Variants in POLR3B observed in about 807,000 individuals in gnomAD.
POLR3B encodes RNA polymerase III subunit B, also known as DNA-directed RNA polymerase III subunit RPC2.
In POLR3B, 96 loss-of-function variants were observed where a neutral mutation model predicts 147.4. The ratio of observed to expected loss-of-function variants is 0.65; its 90% confidence interval spans 0.55 to 0.77. POLR3B has a LOEUF of 0.77. POLR3B is among the 30% of genes least tolerant of loss of function. POLR3B has a pLI of 0.00. For missense variants in POLR3B, 1,036 were observed against 1,413.5 expected, an observed-to-expected ratio of 0.73 and a Z score of 4.28; for synonymous variants, 461 against 485.9, an observed-to-expected ratio of 0.95 and a Z score of 0.67.
At chr12:106,453,614 C>G (rs1437100464) in intron 19 of POLR3B, among the ~76,000 whole-genome samples, 1 of 152,060 alleles carries the variant, frequency 6.6e-6, no homozygotes, top group African/African-American at 2.4e-5. Context: ...GTAGAGCAAG[C>G]CTGAGTTTTC....
chr12:106,358,031 AG>A, intron 1 of POLR3B, 80 bp downstream of exon 1: 1 of 1,576,286 alleles, frequency 6.3e-7, no homozygotes, highest in Non-Finnish European at 8.6e-7. Flanking sequence ...CGGGCCGCCA[AG>A]GGGGCGGGCT....
intron 23 of POLR3B, among the ~76,000 whole-genome samples, chr12:106,487,118 G>T (rs1356797657): frequency 1.3e-5 from 2 of 152,204 alleles, no homozygotes; most frequent in African/African-American, 4.8e-5. Context: ...TTGGATATTG[G>T]CAAGTAAAAT....
Position 106,378,311 on chromosome 12 carries a change from C to T in POLR3B, c.541C>T (p.Gln181Ter), listed in dbSNP as rs776074515. The T allele has an allele frequency of 3.7e-6, 6 of 1,613,682 alleles. No individual in the cohort carries two copies. Among genetic ancestry groups the T allele is most frequent in the Non-Finnish European group, 2.5e-6 (3 of 1,179,734 alleles). ...AGGAGTAGAAAAAGTTATTCTTATC[C>T]AAGAGCAGCTGTCTAAGAACAGGAT... ...VKGVEKVILIQEQLSKNRIIV... is the reference protein window; with the variant it reads ...VKGVEKVILI The change falls in exon 8 of 28, where the codon CAA becomes TAA. Residue 181 changes from glutamine (Q) to a stop codon, truncating the protein, a stop_gained. Coordinates refer to ENST00000228347, the MANE Select transcript of POLR3B (RefSeq NM_018082.6). LOFTEE classifies it high-confidence loss of function.
chr12:106,386,068 G>C (rs1387416135), intron 9 of POLR3B, among the ~76,000 whole-genome samples: 1 of 152,158 alleles, frequency 6.6e-6, no homozygotes, highest in Non-Finnish European at 1.5e-5. Flanking sequence ...TAACGGGGCT[G>C]GGCGCGGTGG....
chr12:106,427,484 A>T, intron 13 of POLR3B, 126 bp downstream of exon 13: 2 of 858,354 alleles, frequency 2.3e-6, no homozygotes, highest in East Asian at 2.6e-5. Flanking sequence ...TTTACAAAGC[A>T]CAAATTTCTA....
At chr12:106,399,585 G>A (rs1164964851) in intron 10 of POLR3B, among the ~76,000 whole-genome samples, 6 of 152,136 alleles carry the variant, frequency 3.9e-5, no homozygotes, top group East Asian at 1.9e-4. Flanking sequence ...GAGAAAGATC[G>A]GGTTACCCAC....
chr12:106,452,974 A>G (rs1273081297), intron 19 of POLR3B, among the ~76,000 whole-genome samples: 3 of 151,090 alleles, frequency 2.0e-5, no homozygotes, highest in Non-Finnish European at 4.4e-5. Context: ...TTCAGTAGTA[A>G]TTGTCAAGTA....
At chr12:106,383,551 T>C (rs2036793830) in intron 9 of POLR3B, among the ~76,000 whole-genome samples, 1 of 152,082 alleles carries the variant, frequency 6.6e-6, no homozygotes, top group African/African-American at 2.4e-5. Flanking sequence ...ATAAGGAGGC[T>C]CAAGGAGAAG....
intron 17 of POLR3B, among the ~76,000 whole-genome samples, chr12:106,437,339 A>G (rs2037590967): frequency 6.6e-6 from 1 of 152,240 alleles, no homozygotes; most frequent in Non-Finnish European, 1.5e-5. Flanking sequence ...GATGTCAGTT[A>G]GTACACAAGT....
intron 12 of POLR3B, among the ~76,000 whole-genome samples, chr12:106,421,506 A>T (rs888711961): frequency 1.3e-5 from 2 of 152,090 alleles, no homozygotes; most frequent in African/African-American, 4.8e-5. Flanking sequence ...TGCATTTTCT[A>T]TATTACTAAT....
chr12:106,463,448 T>G (rs887860326), intron 22 of POLR3B, 30 bp from the exon 23 acceptor site: 13 of 1,608,334 alleles, frequency 8.1e-6, no homozygotes, highest in Non-Finnish European at 1.1e-5. Flanking sequence ...GTTTGAAAAC[T>G]CTGTTTTAGT....
At position 106,451,291 on chromosome 12, in the gene POLR3B, C is replaced by T. The variant is rs528355883; in HGVS notation, c.2084-3211C>T. On this transcript the variant is annotated intron_variant, in intron 19 of 27. Coordinates refer to ENST00000228347, the MANE Select transcript of POLR3B (RefSeq NM_018082.6). ...ATATCAGAACTCATTAATTTGTACA[C>T]TTTAAATGGATGAAGTTTATTGTAT... is the stretch of plus-strand genomic sequence containing the variant. Among the ~76,000 whole-genome samples, 7 of 151,920 alleles carry T rather than the reference C, an allele frequency of 4.6e-5. No homozygotes were observed. The South Asian group carries it at 1.5e-3, about 32-fold the overall frequency.
chr12:106,409,377 G>T (rs2037193865), intron 11 of POLR3B, among the ~76,000 whole-genome samples: 1 of 61,094 alleles, frequency 1.6e-5, no homozygotes. Context: ...TTTTTCTTGA[G>T]GATGGACAAG....
Position 106,427,283 on chromosome 12 carries a change from A to G in POLR3B, c.1188A>G (p.Arg396=), listed in dbSNP as rs200803445. Residue 396 remains arginine (R), a synonymous_variant, in exon 13 of 28, where the codon AGA becomes AGG. Coordinates refer to ENST00000228347, the MANE Select transcript of POLR3B (RefSeq NM_018082.6). ...CCGACCAGGTGATTCCTAAGCAAAG[A>G]GCAGCCCAGTTTGATGTTGTCAAAC... ...KIADQVIPKQ[R]AAQFDVVKHM... 8.7e-6 allele frequency: 14 copies of G among 1,613,492 alleles called. No homozygotes were observed. In the East Asian group the frequency reaches 2.7e-4, roughly 31 times the overall value.
chr12:106,405,873 G>A lies in POLR3B; in HGVS notation c.863G>A (p.Gly288Glu). The change falls in exon 11 of 28, where the codon GGG becomes GAG. Residue 288 changes from glycine (G) to glutamate (E), a missense_variant. Gly to Glu is a moderately conservative substitution (Grantham distance 98). Coordinates refer to ENST00000228347, the MANE Select transcript of POLR3B (RefSeq NM_018082.6). The stretch of plus-strand genomic sequence containing the variant: ...TTTTTATAGGCATTAAAATATATAG[G>A]GAACAAAGTAAGAAGGCAAAGGATG... ...FTQMQALKYI[G>E]NKVRRQRMWG... 2 of 1,612,978 alleles carry A rather than the reference G, an allele frequency of 1.2e-6. No homozygotes were observed. The highest frequency in any genetic ancestry group is 1.7e-5 in the Admixed American group (1 of 59,968).
intron 11 of POLR3B, among the ~76,000 whole-genome samples, chr12:106,410,008 T>C (rs953774974): frequency 5.9e-5 from 9 of 152,214 alleles, no homozygotes; most frequent in African/African-American, 2.2e-4. Flanking sequence ...CTAGAGAAGA[T>C]TGACTAGAAC....
chr12:106,414,654 T>C (rs1177904953), intron 12 of POLR3B, among the ~76,000 whole-genome samples: 1 of 152,164 alleles, frequency 6.6e-6, no homozygotes, highest in African/African-American at 2.4e-5. Context: ...ATTTTTAATA[T>C]GTTTTATCCA....
intron 14 of POLR3B, 73 bp from the exon 15 acceptor site, chr12:106,432,245 C>G (rs1197195916): frequency 8.7e-6 from 12 of 1,384,230 alleles, no homozygotes; most frequent in Non-Finnish European, 1.1e-5. Context: ...AAGTAGTGAG[C>G]TATTTTCAGA....
chr12:106,372,430 C>A (rs2036620691), intron 6 of POLR3B, among the ~76,000 whole-genome samples: 1 of 151,276 alleles, frequency 6.6e-6, no homozygotes. Context: ...CTCCGCCCCC[C>A]AGGTTCAAGT....
Sources: gnomAD v4.1 joint callset for allele counts (sites outside exome capture counted in the v4.1 genomes callset) on GRCh38, gnomAD v4.1.1 for gene constraint, MANE v1.5 for transcripts, NCBI Gene and HGNC (gene_info 2026-07-23, HGNC 2026-07-21) for gene names.